The following LETM1 variants were observed in gnomAD, a reference collection of about 807,000 sequenced individuals.
The protein encoded by LETM1 is leucine zipper and EF-hand containing transmembrane protein 1, also known as mitochondrial proton/calcium exchanger protein.
In LETM1, 50 loss-of-function variants were observed where a neutral mutation model predicts 74.5. That is an observed-to-expected ratio of 0.67 (90% confidence interval 0.53 to 0.85). The LOEUF (loss-of-function observed/expected upper bound fraction) is 0.85. Ranked by LOEUF, LETM1 falls within the 40% of genes least tolerant of loss-of-function variation. LETM1 has a pLI of 0.00. For missense variants in LETM1, 824 were observed against 967.8 expected, an observed-to-expected ratio of 0.85 and a Z score of 1.97; for synonymous variants, 446 against 407.1, an observed-to-expected ratio of 1.10 and a Z score of -1.15.
In LETM1 at chr4:1,834,405, C is replaced by T. The variant is rs1306871955; in HGVS notation, c.876+440G>A. 1 of 994,174 alleles carries T rather than the reference C, an allele frequency of 1.0e-6. No homozygotes were observed. Among genetic ancestry groups the T allele is most frequent in the Non-Finnish European group, 1.2e-6 (1 of 835,970 alleles). The allele number at this position is 994,174 out of a possible 1,614,324, so 61.6% of individuals were successfully genotyped here. On this transcript the variant is annotated intron_variant, in intron 5 of 13. Transcript: ENST00000302787. This position sits in a 1 kb window ranked among gnomAD's most constrained non-coding sequence, Gnocchi z 5.0. Reference sequence around the variant, plus strand: ...ACCGCAGGAAACCTCAAGGGCCGCTCCTCCTCTCCAGCCCCCACTGCTCCC... The same window carrying T: ...ACCGCAGGAAACCTCAAGGGCCGCTTCTCCTCTCCAGCCCCCACTGCTCCC...
intron 1 of LETM1, 57 bp downstream of exon 1, chr4:1,855,812 C>T (rs1294637231): frequency 3.8e-6 from 4 of 1,066,574 alleles, no homozygotes; most frequent in Admixed American, 4.5e-5. Context: ...GCGGGTCGTC[C>T]GCGCTCCCGA....
intron 2 of LETM1, among the ~76,000 whole-genome samples, chr4:1,845,680 G>A (rs563876099): frequency 6.7e-6 from 1 of 150,074 alleles, no homozygotes; most frequent in Admixed American, 6.6e-5. Flanking sequence ...CCAAGTAGCT[G>A]GGATTATAGG....
chr4:1,849,961 A>G (rs1713012317), intron 1 of LETM1, among the ~76,000 whole-genome samples: 1 of 152,184 alleles, frequency 6.6e-6, no homozygotes, highest in Non-Finnish European at 1.5e-5. Flanking sequence ...GTTCAAGACC[A>G]GCTTGACCAG....
intron 2 of LETM1, 151 bp downstream of exon 2, chr4:1,848,998 C>A: frequency 1.6e-6 from 1 of 639,078 alleles, no homozygotes; most frequent in Non-Finnish European, 2.9e-6. Context: ...CAATCATTTT[C>A]AAAATGGAAA....
intron 2 of LETM1, among the ~76,000 whole-genome samples, chr4:1,844,646 G>A (rs1712816150): frequency 6.6e-6 from 1 of 152,066 alleles, no homozygotes; most frequent in Non-Finnish European, 1.5e-5. Flanking sequence ...CGTGAGAACT[G>A]CTTGAAGCCG....
At chr4:1,830,787 T>C (rs1179464074) in intron 6 of LETM1, among the ~76,000 whole-genome samples, 1 of 152,170 alleles carries the variant, frequency 6.6e-6, no homozygotes, top group East Asian at 1.9e-4. Flanking sequence ...TCTCTAACTG[T>C]CATCTCAGGG....
At chr4:1,826,684 T>A (rs1226768911) in intron 6 of LETM1, among the ~76,000 whole-genome samples, 2 of 152,270 alleles carry the variant, frequency 1.3e-5, no homozygotes, top group Non-Finnish European at 2.9e-5. Context: ...GCAGCATGCG[T>A]GCCCTCCTTA....
intron 2 of LETM1, among the ~76,000 whole-genome samples, chr4:1,848,443 G>A (rs1712956430): frequency 6.6e-6 from 1 of 151,934 alleles, no homozygotes; most frequent in Non-Finnish European, 1.5e-5. Flanking sequence ...AGCTACTTGG[G>A]AGGCTGAGGC....
At chr4:1,823,301 G>A (rs1434326424) in intron 8 of LETM1, among the ~76,000 whole-genome samples, 170 bp from the exon 9 acceptor site, 1 of 152,172 alleles carries the variant, frequency 6.6e-6, no homozygotes, top group Non-Finnish European at 1.5e-5. Context: ...GGAGGCCCCT[G>A]GGCCGCCCTC....
rs1722548058 is a variant in LETM1 at position 1,814,336 on chromosome 4, C to A, written c.*88G>T. 3 of 1,581,614 alleles carry A rather than the reference C, an allele frequency of 1.9e-6. No homozygotes were observed. On this transcript the variant is annotated 3_prime_UTR_variant, in exon 14 of 14. Coordinates refer to ENST00000302787, the MANE Select transcript of LETM1 (RefSeq NM_012318.3). ...TATTCCAGCCAAAATATTAGATGAG[C>A]CACTGAGAATCACCACAAAGCAATC...
chr4:1,832,686 A>G, intron 6 of LETM1, 58 bp downstream of exon 6: 1 of 1,516,180 alleles, frequency 6.6e-7, no homozygotes, highest in Non-Finnish European at 9.2e-7. Flanking sequence ...TGCTTTTATC[A>G]TCAGGAAACG....
chr4:1,817,507 G>A (rs1449661398), intron 11 of LETM1, among the ~76,000 whole-genome samples: 3 of 152,222 alleles, frequency 2.0e-5, no homozygotes, highest in Admixed American at 6.5e-5. Flanking sequence ...GCTGCAGTGA[G>A]CCAAGATCAC....
At chr4:1,854,400 A>G (rs1435005632) in intron 1 of LETM1, among the ~76,000 whole-genome samples, 1 of 151,884 alleles carries the variant, frequency 6.6e-6, no homozygotes, top group Non-Finnish European at 1.5e-5. Flanking sequence ...GAATCGCTTG[A>G]ACCTGGAAGG....
At chr4:1,843,397 CAG>C (rs1210430837) in intron 2 of LETM1, among the ~76,000 whole-genome samples, 1 of 152,208 alleles carries the variant, frequency 6.6e-6, no homozygotes, top group Non-Finnish European at 1.5e-5. Flanking sequence ...GCTTGCAGCC[CAG>C]AGAGGGCAGT....
Position 1,814,249 on chromosome 4 carries a change from C to T in LETM1, c.*175G>A, listed in dbSNP as rs1722545690. 2 of 1,055,356 alleles carry T rather than the reference C, an allele frequency of 1.9e-6. No individual in the cohort carries two copies. Among genetic ancestry groups the T allele is most frequent in the East Asian group, 2.4e-5 (1 of 41,382 alleles). 65.4% of individuals were successfully genotyped at this position (1,055,356 alleles called of 1,614,324 possible). On this transcript the variant is annotated 3_prime_UTR_variant, in exon 14 of 14. Coordinates refer to ENST00000302787, the MANE Select transcript of LETM1 (RefSeq NM_012318.3). ...TGTGGAGGGGTTCCGGGATTCCAGA[C>T]AGACTGAATCTCCGTGGAATGATGA...
chr4:1,829,265 A>G (rs1434788123), intron 6 of LETM1, among the ~76,000 whole-genome samples: 5 of 131,418 alleles, frequency 3.8e-5, no homozygotes, highest in South Asian at 2.7e-4. Flanking sequence ...GGCCGGGCAG[A>G]GGGGCTCCTC....
intron 3 of LETM1, among the ~76,000 whole-genome samples, chr4:1,839,578 G>A (rs1712613759): frequency 6.6e-6 from 1 of 152,222 alleles, no homozygotes; most frequent in Admixed American, 6.5e-5. Flanking sequence ...GTTATGACAG[G>A]TATTGGTTCC....
chr4:1,827,783 C>T (rs1321433838), intron 6 of LETM1, among the ~76,000 whole-genome samples: 5 of 150,128 alleles, frequency 3.3e-5, no homozygotes, highest in Admixed American at 6.6e-5. Context: ...CATCCTGGCC[C>T]GTTCTCAATG....
intron 2 of LETM1, among the ~76,000 whole-genome samples, chr4:1,847,458 C>G (rs938597522): frequency 6.6e-6 from 1 of 152,118 alleles, no homozygotes; most frequent in African/African-American, 2.4e-5. Flanking sequence ...GAAGGAAGGT[C>G]CAGACTGACG....
Sources: gnomAD v4.1 joint callset for allele counts (sites outside exome capture counted in the v4.1 genomes callset) on GRCh38, gnomAD v4.1.1 for gene constraint, Gnocchi (gnomAD v3.1) non-coding constraint, MANE v1.5 for transcripts, NCBI Gene and HGNC (gene_info 2026-07-23, HGNC 2026-07-21) for gene names.